OSBPL10: variants seen among roughly 807,000 people sequenced by gnomAD.
The protein encoded by OSBPL10 is oxysterol-binding protein-related protein 10.
In OSBPL10, 49 loss-of-function variants were observed where a neutral mutation model predicts 81.7. That is an observed-to-expected ratio of 0.60 (90% CI 0.48 to 0.76). The LOEUF is 0.76. Among genes scored for constraint, OSBPL10 ranks in the 30% least tolerant of loss-of-function variants. The pLI is 0.00. For missense variants in OSBPL10, 923 were observed against 987.8 expected (o/e 0.93, Z 0.88); for synonymous variants, 419 against 383.6 (o/e 1.09, Z -1.08).
At chr3:31,829,906 G>A (rs986870428) in intron 4 of OSBPL10, 134 bp downstream of exon 4, 30 of 843,222 alleles carry the variant, frequency 3.6e-5, no homozygotes, top group East Asian at 1.1e-4. Context: ...CGTCACAGCC[G>A]TGTGGCTGGG....
rs369221971 is a variant in OSBPL10 at position 32,038,681 on chromosome 3, G to C, written n.298+7810C>G. On this transcript the variant is annotated intron_variant and non_coding_transcript_variant, in intron 2 of 3. Transcript: ENST00000479173. ...CAGTGCTTGTCTGAGGCTGAAGATA[G>C]GAATGAAGATCAACTGTACATGGGC... is the stretch of plus-strand genomic sequence containing the variant. 4.6e-5 allele frequency among the ~76,000 whole-genome samples: 7 copies of C among 152,292 alleles called. 1 individual carries two copies. Among genetic ancestry groups the C allele is most frequent in the African/African-American group, 1.7e-4 (7 of 41,562 alleles).
rs145446124 is a variant in OSBPL10, at chr3:31,914,865, T to A, written c.282-35035A>T. Among the ~76,000 whole-genome samples, 247 of 152,316 alleles carry A rather than the reference T, an allele frequency of 1.6e-3. 1 individual carries two copies. Among genetic ancestry groups the A allele is most frequent in the Middle Eastern group, 0.014 (4 of 294 alleles). ...CCATATTGGACAACATACCTATATATCATTGCCATCACTGCTGAAGGTTCC... is the reference window on the plus strand; with the variant it reads ...CCATATTGGACAACATACCTATATAACATTGCCATCACTGCTGAAGGTTCC... On this transcript the variant is annotated intron_variant, in intron 1 of 11. Transcript: ENST00000396556.
At chr3:31,676,811 C>T (rs1030558528) in intron 8 of OSBPL10, among the ~76,000 whole-genome samples, 2 of 152,206 alleles carry the variant, frequency 1.3e-5, no homozygotes, top group African/African-American at 2.4e-5. Context: ...AGCTCCACAG[C>T]GGTGCGAGGT....
intron 1 of OSBPL10, among the ~76,000 whole-genome samples, chr3:31,971,460 G>A (rs1216285718): frequency 6.6e-6 from 1 of 152,042 alleles, no homozygotes; most frequent in African/African-American, 2.4e-5. Flanking sequence ...CTTTCTATGT[G>A]CCACCCATTG....
intron 6 of OSBPL10, among the ~76,000 whole-genome samples, chr3:31,722,133 C>A (rs1203598504): frequency 1.3e-5 from 2 of 152,114 alleles, no homozygotes; most frequent in African/African-American, 4.8e-5. Flanking sequence ...CTCAAAATAC[C>A]CTTGAGACTT....
At chr3:31,750,640 G>A (rs1697683587) in intron 4 of OSBPL10, among the ~76,000 whole-genome samples, 1 of 152,154 alleles carries the variant, frequency 6.6e-6, no homozygotes. Context: ...GCTATTTGTA[G>A]TCAGCATTTC....
chr3:31,934,134 A>G (rs544125492), intron 1 of OSBPL10, among the ~76,000 whole-genome samples: 17 of 151,734 alleles, frequency 1.1e-4, no homozygotes, highest in Admixed American at 7.2e-4. Flanking sequence ...GGTAAGAGGC[A>G]TAAACTAATT....
intron 4 of OSBPL10, among the ~76,000 whole-genome samples, chr3:31,764,957 C>CA (rs1322143685): frequency 1.3e-5 from 2 of 152,156 alleles, no homozygotes; most frequent in Non-Finnish European, 2.9e-5. Flanking sequence ...ATCATCCTCC[C>CA]AAAAGGCCAT....
At chr3:31,891,956 A>T (rs1695905303) in intron 1 of OSBPL10, among the ~76,000 whole-genome samples, 1 of 152,254 alleles carries the variant, frequency 6.6e-6, no homozygotes, top group African/African-American at 2.4e-5. Context: ...TGTGCTAAGG[A>T]TACATGTGGT....
intron 2 of OSBPL10, among the ~76,000 whole-genome samples, chr3:32,003,705 C>T (rs1178967317): frequency 6.6e-6 from 1 of 152,158 alleles, no homozygotes; most frequent in African/African-American, 2.4e-5. Flanking sequence ...TTTAATTGGT[C>T]CAGGTGGACC....
chr3:31,886,835 G>A (rs1383170350), intron 1 of OSBPL10, among the ~76,000 whole-genome samples: 3 of 152,088 alleles, frequency 2.0e-5, no homozygotes, highest in East Asian at 1.9e-4. Flanking sequence ...AGCTACTCGG[G>A]AGGCTGAGGC....
chr3:32,043,254 G>A (rs1044064821), intron 2 of OSBPL10, among the ~76,000 whole-genome samples: 12 of 152,240 alleles, frequency 7.9e-5, no homozygotes, highest in Admixed American at 2.6e-4. Context: ...TTGCACGTCC[G>A]TTTATAGGCT....
At chr3:31,765,462 C>CA (rs1162569321) in intron 4 of OSBPL10, among the ~76,000 whole-genome samples, 2 of 150,934 alleles carry the variant, frequency 1.3e-5, no homozygotes, top group African/African-American at 2.4e-5. Context: ...AAACTGTGGG[C>CA]AAAAAAATAT....
chr3:31,674,161 G>T (rs1700396192), intron 8 of OSBPL10, among the ~76,000 whole-genome samples: 2 of 152,132 alleles, frequency 1.3e-5, no homozygotes, highest in South Asian at 4.1e-4. Flanking sequence ...TTATGTCATG[G>T]GGAGGGATCT....
chr3:31,900,923 C>A lies in OSBPL10; in HGVS notation c.282-21093G>T, dbSNP rs184192344. 5.3e-3 allele frequency among the ~76,000 whole-genome samples: 811 copies of A among 152,202 alleles called. 7 individuals carry two copies. The highest frequency in any genetic ancestry group is 0.021 in the South Asian group (99 of 4,820). ...GTCTTCATTATAATAAGGAAAAATC[C>A]ATTTCTAATTTATTAAAGTGTTAAT... On this transcript the variant is annotated intron_variant, in intron 1 of 11. Coordinates refer to ENST00000396556, the MANE Select transcript of OSBPL10 (RefSeq NM_017784.5).
chr3:31,722,768 G>A (rs1298167598), intron 6 of OSBPL10, among the ~76,000 whole-genome samples: 11 of 152,036 alleles, frequency 7.2e-5, no homozygotes, highest in African/African-American at 1.9e-4. Flanking sequence ...AAAAATAACC[G>A]TCATTCCTGG....
rs546550614 is a variant in OSBPL10 at position 32,006,165 on chromosome 3, C to G, written n.298+40326G>C. On this transcript the variant is annotated intron_variant and non_coding_transcript_variant, in intron 2 of 3. Transcript: ENST00000479173. ...TTCACCATGTTGGCCAGGCTGGTCTCAAACTCCTGACCTCAGGTGATCCCT... is the reference window on the plus strand; with the variant it reads ...TTCACCATGTTGGCCAGGCTGGTCTGAAACTCCTGACCTCAGGTGATCCCT... Among the ~76,000 whole-genome samples, 10 of 152,056 alleles carry G rather than the reference C, an allele frequency of 6.6e-5. No homozygotes were observed. The East Asian group carries it at 1.9e-3, about 30-fold the overall frequency.
At chr3:31,978,139 T>C (rs970481428) in intron 1 of OSBPL10, among the ~76,000 whole-genome samples, 1 of 152,202 alleles carries the variant, frequency 6.6e-6, no homozygotes, top group Non-Finnish European at 1.5e-5. Flanking sequence ...GTGATTGGTA[T>C]TAAGTCCTGG....
At position 31,764,428 on chromosome 3, in the gene OSBPL10, G is replaced by A. The variant is rs943749817; in HGVS notation, c.730-16308C>T. The stretch of plus-strand genomic sequence containing the variant: ...ATGGAGGAGAGGGGACGGGAGAGAA[G>A]AAATGGGAAGACAGGGCAAGTGAAA... On this transcript the variant is annotated intron_variant, in intron 4 of 11. Transcript: ENST00000396556. Among the ~76,000 whole-genome samples the A allele has an allele frequency of 2.6e-5, 4 of 152,300 alleles. 2 individuals are homozygous for A.
Sources: gnomAD v4.1 joint callset for allele counts (sites outside exome capture counted in the v4.1 genomes callset) on GRCh38, gnomAD v4.1.1 for gene constraint, MANE v1.5 for transcripts, NCBI Gene and HGNC (gene_info 2026-07-23, HGNC 2026-07-21) for gene names.